The following CAP2 variants were observed in gnomAD, a reference collection of about 807,000 sequenced individuals.
The protein encoded by CAP2 is cyclase associated actin cytoskeleton regulatory protein 2.
A neutral mutation model predicts 57.7 loss-of-function variants in CAP2; 24 were observed. The ratio of observed to expected loss-of-function variants is 0.42; its 90% CI spans 0.30 to 0.58. The LOEUF is 0.58. Among genes scored for constraint, CAP2 ranks in the 20% least tolerant of loss-of-function variants. The pLI is 0.22. For synonymous variants in CAP2, 194 were observed against 207.2 expected, an observed-to-expected ratio of 0.94 and a Z score of 0.55; for missense variants, 501 against 590.3, an observed-to-expected ratio of 0.85 and a Z score of 1.57.
chr6:17,395,034 C>T (rs1758633678), intron 1 of CAP2, among the ~76,000 whole-genome samples: 1 of 152,146 alleles, frequency 6.6e-6, no homozygotes, highest in Admixed American at 6.5e-5. Context: ...TTCTTAATAA[C>T]ATTACAATCA....
intron 7 of CAP2, among the ~76,000 whole-genome samples, chr6:17,519,009 G>A (rs1327462546): frequency 2.0e-5 from 3 of 152,102 alleles, no homozygotes; most frequent in East Asian, 1.9e-4. Flanking sequence ...TACTTGCACC[G>A]TGAAAAGTTT....
chr6:17,408,252 G>C (rs576483349), intron 1 of CAP2, among the ~76,000 whole-genome samples: 3 of 152,316 alleles, frequency 2.0e-5, no homozygotes, highest in African/African-American at 7.2e-5. Flanking sequence ...TTGAAGGGAA[G>C]CTGGAATGTG....
chr6:17,523,009 C>T (rs1194090717), intron 7 of CAP2, among the ~76,000 whole-genome samples: 1 of 152,180 alleles, frequency 6.6e-6, no homozygotes, highest in Non-Finnish European at 1.5e-5. Flanking sequence ...GCTGGGATTA[C>T]AGGTGTGAGC....
intron 1 of CAP2, among the ~76,000 whole-genome samples, chr6:17,407,778 CAAAAAA>C (rs60480016): frequency 5.8e-5 from 4 of 69,338 alleles, no homozygotes; most frequent in African/African-American, 2.0e-4. Flanking sequence ...GACTCGGTCT[CAAAAAA>C]AAAAAAAAAA....
intron 2 of CAP2, among the ~76,000 whole-genome samples, chr6:17,422,681 A>G (rs1759480812): frequency 6.6e-6 from 1 of 152,040 alleles, no homozygotes; most frequent in Non-Finnish European, 1.5e-5. Flanking sequence ...ATATCCTAAT[A>G]CCATACTGTA....
chr6:17,514,633 C>T (rs990589357), intron 7 of CAP2, among the ~76,000 whole-genome samples: 7 of 151,926 alleles, frequency 4.6e-5, no homozygotes, highest in African/African-American at 1.7e-4. Flanking sequence ...GCCTGTAATC[C>T]CAGCTGCTTG....
chr6:17,442,541 A>C (rs1417168252), intron 3 of CAP2, among the ~76,000 whole-genome samples: 2 of 152,072 alleles, frequency 1.3e-5, no homozygotes, highest in Non-Finnish European at 2.9e-5. Flanking sequence ...CATGCATGAT[A>C]TTCCTCTGTG....
At chr6:17,507,385 C>G (rs997644903) in intron 5 of CAP2, 73 bp downstream of exon 5, 1 of 1,480,434 alleles carries the variant, frequency 6.8e-7, no homozygotes, top group African/African-American at 1.4e-5. Flanking sequence ...AGTAGCTTAG[C>G]TACCTTCACG....
chr6:17,426,520 C>T (rs751356122), intron 2 of CAP2, 70 bp from the exon 3 acceptor site: 19 of 1,106,252 alleles, frequency 1.7e-5, no homozygotes, highest in Admixed American at 1.5e-4. Context: ...CAGGTGTGAG[C>T]CACCGTGCCC....
rs907296413 is a variant in CAP2, at chr6:17,453,012, G to A, written c.223-9984G>A. Among the ~76,000 whole-genome samples the A allele has an allele frequency of 3.3e-5, 5 of 152,252 alleles. No individual in the cohort carries two copies. The East Asian group carries it at 9.6e-4, about 29-fold the overall frequency. ...GCAAAAGTTGGGAAGATACAGGGAT[G>A]TTATGGTTTCTCCATCAACTACTTA... On this transcript the variant is annotated intron_variant, in intron 3 of 12. Coordinates refer to ENST00000229922, the MANE Select transcript of CAP2 (RefSeq NM_006366.3).
intron 4 of CAP2, among the ~76,000 whole-genome samples, chr6:17,478,086 T>G (rs558596002): frequency 1.3e-5 from 2 of 150,066 alleles, no homozygotes; most frequent in South Asian, 4.2e-4. Flanking sequence ...GTCATAAACA[T>G]TTACTCTTTT....
intron 3 of CAP2, among the ~76,000 whole-genome samples, chr6:17,459,074 G>A (rs1760655968): frequency 6.6e-6 from 1 of 151,996 alleles, no homozygotes; most frequent in Non-Finnish European, 1.5e-5. Context: ...AGAATATGAA[G>A]CAAGAAAAAA....
chr6:17,399,066 C>CTTTG (rs755700334), intron 1 of CAP2, among the ~76,000 whole-genome samples: 1 of 151,834 alleles, frequency 6.6e-6, no homozygotes, highest in African/African-American at 2.4e-5. Flanking sequence ...GCTACATGAG[C>CTTTG]TTTGTTTGTT....
At chr6:17,407,824 G>C (rs1759024226) in intron 1 of CAP2, among the ~76,000 whole-genome samples, 1 of 145,924 alleles carries the variant, frequency 6.9e-6, no homozygotes, top group African/African-American at 2.5e-5. Flanking sequence ...TGTGAAAGTA[G>C]ACCCAGGAAG....
chr6:17,432,778 T>G (rs775116892), intron 3 of CAP2, among the ~76,000 whole-genome samples: 1 of 152,022 alleles, frequency 6.6e-6, no homozygotes, highest in Non-Finnish European at 1.5e-5. Flanking sequence ...TTCTTCTCCC[T>G]CTTTTCTTTC....
chr6:17,532,919 G>A (rs1247836369), intron 7 of CAP2, among the ~76,000 whole-genome samples: 1 of 151,130 alleles, frequency 6.6e-6, no homozygotes, highest in Admixed American at 6.6e-5. Flanking sequence ...CAAAAAATTA[G>A]CTGGGCGTGG....
chr6:17,412,639 T>C lies in CAP2; in HGVS notation c.-1-8916T>C, dbSNP rs939107978. On this transcript the variant is annotated intron_variant, in intron 1 of 12. Coordinates refer to ENST00000229922, the MANE Select transcript of CAP2 (RefSeq NM_006366.3). The stretch of plus-strand genomic sequence containing the variant: ...GCAGATCAGAGATGGTTCTGAGGGG[T>C]GATACCTCCAGAGTGGAGGGGGCAA... Among the ~76,000 whole-genome samples, 2 of 152,076 alleles carry C rather than the reference T, an allele frequency of 1.3e-5. 1 individual carries two copies. Among genetic ancestry groups the C allele is most frequent in the Admixed American group, 1.3e-4 (2 of 15,266 alleles).
At chr6:17,540,447 T>TAAA (rs372796164) in intron 8 of CAP2, among the ~76,000 whole-genome samples, 1 of 134,696 alleles carries the variant, frequency 7.4e-6, no homozygotes, top group African/African-American at 2.7e-5. Flanking sequence ...TTCCTCAAAT[T>TAAA]AAAAAAAAAA....
At chr6:17,555,088 A>G (rs770794745) in intron 12 of CAP2, among the ~76,000 whole-genome samples, 9 of 152,244 alleles carry the variant, frequency 5.9e-5, no homozygotes, top group Non-Finnish European at 1.2e-4. Flanking sequence ...GATTGGAACC[A>G]GCAGCATTGG....
Sources: gnomAD v4.1 joint callset for allele counts (sites outside exome capture counted in the v4.1 genomes callset) on GRCh38, gnomAD v4.1.1 for gene constraint, MANE v1.5 for transcripts, NCBI Gene and HGNC (gene_info 2026-07-23, HGNC 2026-07-21) for gene names.